The following CACNA2D4 variants were observed in gnomAD, a reference collection of about 807,000 sequenced individuals.
CACNA2D4 encodes voltage-dependent calcium channel subunit alpha-2/delta-4.
Under a neutral mutation model 163.8 loss-of-function variants are expected in CACNA2D4, and 157 were observed. The observed-to-expected ratio is 0.96, with a 90% CI of 0.84 to 1.09. The LOEUF is 1.09. CACNA2D4 is among the 50% of genes least tolerant of loss of function. CACNA2D4 has a pLI of 0.00. For synonymous variants in CACNA2D4, 598 were observed against 586.9 expected (o/e 1.02, Z -0.27); for missense variants, 1,410 against 1,479.9 (o/e 0.95, Z 0.78).
In CACNA2D4 at chr12:1,878,804, C is replaced by T. The variant is rs1865933431; in HGVS notation, c.1644+152G>A. Among the ~76,000 whole-genome samples the T allele has an allele frequency of 6.6e-6, 1 of 152,156 alleles. No individual in the cohort carries two copies. Among genetic ancestry groups the T allele is most frequent in the African/African-American group, 2.4e-5 (1 of 41,426 alleles). Reference sequence around the variant, plus strand: ...GGACCCAGGGGCACCAGTTGCTGCTCCCCTGCTCAGCACCTGCACTTCTTG... The same window carrying T: ...GGACCCAGGGGCACCAGTTGCTGCTTCCCTGCTCAGCACCTGCACTTCTTG... On this transcript the variant is annotated intron_variant, in intron 15 of 37. Transcript: ENST00000382722. The surrounding 1 kb of genome is among the most constrained non-coding windows in gnomAD (Gnocchi z 4.6).
At chr12:1,914,773 C>T in intron 2 of CACNA2D4, 81 bp downstream of exon 2, 1 of 931,478 alleles carries the variant, frequency 1.1e-6, no homozygotes, top group Admixed American at 1.8e-5. Flanking sequence ...CCCAAGGCCC[C>T]TCACAGCACC....
At chr12:1,872,723 C>T (rs572719239) in intron 18 of CACNA2D4, among the ~76,000 whole-genome samples, 6 of 152,200 alleles carry the variant, frequency 3.9e-5, no homozygotes, top group South Asian at 2.1e-4. Context: ...ACTGCCTCGG[C>T]GGCCCCACAC....
intron 6 of CACNA2D4, among the ~76,000 whole-genome samples, chr12:1,898,935 A>T (rs933816390): frequency 6.6e-6 from 1 of 152,070 alleles, no homozygotes; most frequent in Non-Finnish European, 1.5e-5. Context: ...GGGAGAAGAG[A>T]ATGGAGAGTT....
chr12:1,826,629 C>T (rs373502416), intron 26 of CACNA2D4, among the ~76,000 whole-genome samples: 1 of 152,236 alleles, frequency 6.6e-6, no homozygotes. Context: ...GGCAGACTGG[C>T]ACCCTCGCTG....
At chr12:1,794,082 C>T (rs1414182460) in intron 37 of CACNA2D4, among the ~76,000 whole-genome samples, 1 of 152,156 alleles carries the variant, frequency 6.6e-6, no homozygotes, top group Non-Finnish European at 1.5e-5. Flanking sequence ...GTATGAAGCA[C>T]CCGGCTCAGG....
intron 29 of CACNA2D4, among the ~76,000 whole-genome samples, chr12:1,808,029 C>T (rs1863596985): frequency 6.9e-6 from 1 of 144,192 alleles, no homozygotes; most frequent in African/African-American, 2.4e-5. Context: ...TAATTGATTG[C>T]TACCACATCT....
At chr12:1,853,059 C>T in intron 23 of CACNA2D4, among the ~76,000 whole-genome samples, 1 of 152,008 alleles carries the variant, frequency 6.6e-6, no homozygotes, top group Non-Finnish European at 1.5e-5. Flanking sequence ...TCATATGGTT[C>T]AAAATTACAC....
intron 6 of CACNA2D4, among the ~76,000 whole-genome samples, chr12:1,892,804 G>T (rs558272920): frequency 2.0e-5 from 3 of 152,096 alleles, no homozygotes; most frequent in Non-Finnish European, 2.9e-5. Context: ...GATATTCCAC[G>T]CAAACAGAAA....
At chr12:1,807,165 C>T (rs1183863087) in intron 29 of CACNA2D4, among the ~76,000 whole-genome samples, 2 of 151,918 alleles carry the variant, frequency 1.3e-5, no homozygotes, top group African/African-American at 4.8e-5. Flanking sequence ...TTGGTTTGCT[C>T]GGTCTGATGA....
At chr12:1,817,656 A>C (rs59061280) in intron 26 of CACNA2D4, among the ~76,000 whole-genome samples, 3 of 151,762 alleles carry the variant, frequency 2.0e-5, no homozygotes, top group Non-Finnish European at 4.4e-5. Flanking sequence ...ACTGGTTTTC[A>C]TATTTTTTTG....
Position 1,844,531 on chromosome 12 carries a change from T to G in CACNA2D4, c.2343-2A>C. The G allele has an allele frequency of 6.2e-7, 1 of 1,612,128 alleles. No homozygotes were observed. Among genetic ancestry groups the G allele is most frequent in the East Asian group, 2.2e-5 (1 of 44,838 alleles). On this transcript the variant is annotated splice_acceptor_variant, in intron 24 of 37. Coordinates refer to ENST00000382722, the MANE Select transcript of CACNA2D4 (RefSeq NM_172364.5). LOFTEE classifies it high-confidence loss of function. This position sits in a 1 kb window ranked among gnomAD's most constrained non-coding sequence, Gnocchi z 4.2. ...TCGTCCTCAGGTGTCAGGAACTTCC[T>G]GCAAGGAGGAAGATGTGGTACCTCT... is the stretch of plus-strand genomic sequence containing the variant.
chr12:1,886,923 G>A (rs2154449848), intron 7 of CACNA2D4, 86 bp downstream of exon 7: 3 of 875,738 alleles, frequency 3.4e-6, no homozygotes, highest in Non-Finnish European at 5.5e-6. Flanking sequence ...GTGGGGGAAG[G>A]GGCGGAAGTG....
Position 1,831,523 on chromosome 12 carries a change from G to A in CACNA2D4, c.2551+9216C>T, listed in dbSNP as rs1416231172. The stretch of plus-strand genomic sequence containing the variant: ...CACTGGATGGAGTGGTTCTCCTACC[G>A]AGGTGAGCGCAGCCGGCCCTGCTGG... On this transcript the variant is annotated intron_variant, in intron 26 of 37. Transcript: ENST00000382722. 5 of 1,610,818 alleles carry A rather than the reference G, an allele frequency of 3.1e-6. No homozygotes were observed. The highest frequency in any genetic ancestry group is 2.2e-5 in the East Asian group (1 of 44,876).
chr12:1,899,151 AC>A lies in CACNA2D4; in HGVS notation c.781+8288del, dbSNP rs1314719237. Reference sequence around the variant, plus strand: ...TTAAAAAACCTCACTACCAATCAAAACCTGTGAGATGCAGCAAAAACAGAGC... The same window carrying A: ...TTAAAAAACCTCACTACCAATCAAAACTGTGAGATGCAGCAAAAACAGAGC... On this transcript the variant is annotated intron_variant, in intron 6 of 37. Transcript: ENST00000382722. 2.0e-5 allele frequency among the ~76,000 whole-genome samples: 3 copies of A among 152,212 alleles called. No individual in the cohort carries two copies. In the East Asian group the frequency reaches 5.8e-4, roughly 29 times the overall value.
chr12:1,837,029 G>T (rs1476612670), intron 26 of CACNA2D4, among the ~76,000 whole-genome samples: 2 of 152,250 alleles, frequency 1.3e-5, no homozygotes, highest in Non-Finnish European at 2.9e-5. Context: ...GGCCTGACAG[G>T]CAGGTTCCTG....
At chr12:1,842,949 G>C (rs1865061003) in intron 25 of CACNA2D4, among the ~76,000 whole-genome samples, 1 of 152,164 alleles carries the variant, frequency 6.6e-6, no homozygotes, top group Non-Finnish European at 1.5e-5. Context: ...GTGGTAACGG[G>C]GCCTGGGCTT....
At position 1,799,598 on chromosome 12, in the gene CACNA2D4, G is replaced by T; in HGVS notation, c.2995+77C>A. 1.4e-6 allele frequency: 2 copies of T among 1,459,588 alleles called. No individual in the cohort carries two copies. Among genetic ancestry groups the T allele is most frequent in the Non-Finnish European group, 1.9e-6 (2 of 1,063,880 alleles). 90.4% of individuals were successfully genotyped at this position (1,459,588 alleles called of 1,614,324 possible). ...TGGGGTCATTCCTGGGACAGGTCAT[G>T]GAGGGTGGGTTCTTTGTAGCTCCTG... On this transcript the variant is annotated intron_variant, in intron 34 of 37. Coordinates refer to ENST00000382722, the MANE Select transcript of CACNA2D4 (RefSeq NM_172364.5). This position sits in a 1 kb window ranked among gnomAD's most constrained non-coding sequence, Gnocchi z 4.7.
At chr12:1,804,490 G>A (rs913628084) in intron 29 of CACNA2D4, among the ~76,000 whole-genome samples, 3 of 152,172 alleles carry the variant, frequency 2.0e-5, no homozygotes, top group African/African-American at 7.2e-5. Flanking sequence ...GTGTATCCTG[G>A]ACACTAGAAA....
At chr12:1,819,329 G>C (rs1390970289) in intron 26 of CACNA2D4, among the ~76,000 whole-genome samples, 1 of 152,148 alleles carries the variant, frequency 6.6e-6, no homozygotes, top group Non-Finnish European at 1.5e-5. Flanking sequence ...ACTCCCCAGA[G>C]GTAAAAGACA....
Sources: allele counts gnomAD v4.1 joint callset (sites outside exome capture counted in the v4.1 genomes callset), GRCh38; gene constraint gnomAD v4.1.1; non-coding constraint Gnocchi (gnomAD v3.1); transcripts MANE v1.5; gene names NCBI Gene and HGNC (gene_info 2026-07-23, HGNC 2026-07-21).